SPAG16: variants seen among roughly 807,000 people sequenced by gnomAD.
The protein encoded by SPAG16 is sperm-associated antigen 16 protein.
In SPAG16, 86 loss-of-function variants were observed where a neutral mutation model predicts 80.4. The observed-to-expected ratio is 1.07, with a 90% confidence interval of 0.90 to 1.28. SPAG16 has a LOEUF of 1.28. SPAG16 is among the 50% of genes most tolerant of loss of function. The probability of loss-of-function intolerance (pLI) is 0.00; values close to 1 mark genes in which losing one functional copy is unlikely to be tolerated. For missense variants in SPAG16, 870 were observed against 765.3 expected, an observed-to-expected ratio of 1.14 and a Z score of -1.61; for synonymous variants, 294 against 265.9, an observed-to-expected ratio of 1.11 and a Z score of -1.03.
intron 12 of SPAG16, among the ~76,000 whole-genome samples, chr2:213,952,792 C>T (rs1221419713): frequency 1.3e-5 from 2 of 152,032 alleles, no homozygotes; most frequent in Non-Finnish European, 2.9e-5. Flanking sequence ...AAAGAAATAA[C>T]CAATAGCTGA....
chr2:214,178,369 A>G (rs759119190), intron 15 of SPAG16, among the ~76,000 whole-genome samples: 4 of 151,072 alleles, frequency 2.6e-5, no homozygotes, highest in East Asian at 1.9e-4. Flanking sequence ...AATGTGAAAA[A>G]CTGCATATAT....
At chr2:214,302,218 A>G (rs1694603401) in intron 15 of SPAG16, among the ~76,000 whole-genome samples, 1 of 152,190 alleles carries the variant, frequency 6.6e-6, no homozygotes. Context: ...TTTTTGAAGA[A>G]TGTTCTACGC....
At position 214,059,222 on chromosome 2, in the gene SPAG16, G is replaced by GTATATATATATATATA. The variant is rs34244219; in HGVS notation, c.1527+45149_1527+45164dup. Among the ~76,000 whole-genome samples, 141 of 121,422 alleles carry GTATATATATATATATA rather than the reference G, an allele frequency of 1.2e-3. 1 individual carries two copies. The highest frequency in any genetic ancestry group is 3.5e-3 in the African/African-American group (103 of 29,312). 79.7% of individuals were successfully genotyped at this position (121,422 alleles called of 152,430 possible). A position where few individuals can be genotyped will look rare whatever the true frequency, so the allele number is the denominator to read the frequency against. On this transcript the variant is annotated intron_variant, in intron 13 of 15. Transcript: ENST00000331683. ...TATATATATATATATATATGTATGT[G>GTATATATATATATATA]TATATATATATATATATATGTATGT...
At chr2:213,652,753 AT>A (rs1490368169) in intron 10 of SPAG16, among the ~76,000 whole-genome samples, 1 of 152,120 alleles carries the variant, frequency 6.6e-6, no homozygotes, top group Non-Finnish European at 1.5e-5. Flanking sequence ...AATATTCTAG[AT>A]ACAAGTTCTT....
At chr2:213,862,687 C>T (rs911942017) in intron 11 of SPAG16, 59 bp downstream of exon 11, 76 of 1,567,734 alleles carry the variant, frequency 4.8e-5, no homozygotes, top group Non-Finnish European at 6.2e-5. Flanking sequence ...CTCCTTTACT[C>T]TGTCTGCTCA....
At chr2:213,520,186 A>G (rs1311089623) in intron 10 of SPAG16, among the ~76,000 whole-genome samples, 1 of 152,088 alleles carries the variant, frequency 6.6e-6, no homozygotes, top group Non-Finnish European at 1.5e-5. Context: ...ATTGGCAACC[A>G]CCAGAAGTTA....
intron 9 of SPAG16, among the ~76,000 whole-genome samples, chr2:213,387,429 C>CTTT (rs1491308938): frequency 0.063 from 4,482 of 71,408 alleles, 955 homozygotes; most frequent in East Asian, 0.087. Flanking sequence ...GAAATGCATG[C>CTTT]TCTTTTTTTT....
intron 9 of SPAG16, among the ~76,000 whole-genome samples, chr2:213,446,245 G>A (rs1300654499): frequency 6.6e-6 from 1 of 152,194 alleles, no homozygotes; most frequent in African/African-American, 2.4e-5. Flanking sequence ...TTCATAACCA[G>A]ACTGAAATGG....
intron 14 of SPAG16, among the ~76,000 whole-genome samples, chr2:214,116,632 C>T (rs529699932): frequency 1.3e-5 from 2 of 152,296 alleles, no homozygotes; most frequent in South Asian, 2.1e-4. Flanking sequence ...CTGGGAAGCA[C>T]ACCTGTGTGG....
intron 10 of SPAG16, among the ~76,000 whole-genome samples, chr2:213,580,909 G>T (rs1006270228): frequency 4.6e-5 from 7 of 151,948 alleles, no homozygotes; most frequent in Non-Finnish European, 8.8e-5. Context: ...GTGTGTGTGT[G>T]TTTTTTTACT....
At chr2:213,868,217 A>C (rs564695853) in intron 11 of SPAG16, among the ~76,000 whole-genome samples, 3 of 150,392 alleles carry the variant, frequency 2.0e-5, no homozygotes, top group East Asian at 4.0e-4. Context: ...AATTGTGCCA[A>C]ACTCATCCTA....
intron 9 of SPAG16, among the ~76,000 whole-genome samples, chr2:213,458,307 C>T (rs1041214396): frequency 6.6e-6 from 1 of 151,972 alleles, no homozygotes; most frequent in African/African-American, 2.4e-5. Context: ...GTGGCTCATG[C>T]CTGTAGTCAC....
At chr2:214,017,713 C>T (rs1009743199) in intron 13 of SPAG16, among the ~76,000 whole-genome samples, 3 of 152,086 alleles carry the variant, frequency 2.0e-5, no homozygotes, top group African/African-American at 7.2e-5. Context: ...AGCACAGTAC[C>T]TTCAGCATAG....
At chr2:214,252,866 C>T (rs1000435448) in intron 15 of SPAG16, among the ~76,000 whole-genome samples, 12 of 152,192 alleles carry the variant, frequency 7.9e-5, no homozygotes, top group African/African-American at 2.9e-4. Context: ...CTTGAGAAAT[C>T]GCCACACTGT....
intron 5 of SPAG16, among the ~76,000 whole-genome samples, chr2:213,332,503 C>A (rs1676918812): frequency 6.6e-6 from 1 of 151,990 alleles, no homozygotes; most frequent in African/African-American, 2.4e-5. Context: ...CCGAAAAATA[C>A]AGGAAGAGGG....
At chr2:213,393,054 C>T (rs2067846037) in intron 9 of SPAG16, among the ~76,000 whole-genome samples, 1 of 151,926 alleles carries the variant, frequency 6.6e-6, no homozygotes, top group Non-Finnish European at 1.5e-5. Flanking sequence ...ATATATTCTG[C>T]TTACATAAAG....
intron 10 of SPAG16, among the ~76,000 whole-genome samples, chr2:213,748,304 A>G (rs547986391): frequency 6.6e-6 from 1 of 152,282 alleles, no homozygotes; most frequent in East Asian, 1.9e-4. Context: ...ACTTTTATTC[A>G]GGTATGATTA....
chr2:213,553,907 C>T (rs1472234480), intron 10 of SPAG16, among the ~76,000 whole-genome samples: 4 of 152,176 alleles, frequency 2.6e-5, no homozygotes, highest in Admixed American at 2.6e-4. Flanking sequence ...TTTACAAACA[C>T]CCTTTCTTTG....
At chr2:214,173,013 G>A (rs1170290212) in intron 15 of SPAG16, among the ~76,000 whole-genome samples, 3 of 151,144 alleles carry the variant, frequency 2.0e-5, no homozygotes, top group Non-Finnish European at 3.0e-5. Context: ...TGTCAGATGA[G>A]TAGGTTGCGA....
Sources: gnomAD v4.1 joint callset for allele counts (sites outside exome capture counted in the v4.1 genomes callset) on GRCh38, gnomAD v4.1.1 for gene constraint, MANE v1.5 for transcripts, NCBI Gene and HGNC (gene_info 2026-07-23, HGNC 2026-07-21) for gene names.